Variants in GABRA3 observed in about 807,000 individuals in gnomAD.
GABRA3 encodes the protein gamma-aminobutyric acid receptor subunit alpha-3.
Under a neutral mutation model 30.1 loss-of-function variants are expected in GABRA3, and 10 were observed. The ratio of observed to expected loss-of-function variants is 0.33; its 90% CI spans 0.20 to 0.56. The LOEUF (loss-of-function observed/expected upper bound fraction) is 0.56, where lower values mean the gene tolerates loss of function less well. Ranked by LOEUF, GABRA3 falls within the 20% of genes least tolerant of loss-of-function variation. The pLI is 0.89. For synonymous variants in GABRA3, 151 were observed against 146.8 expected (o/e 1.03, Z -0.21); for missense variants, 233 against 392.0 (o/e 0.59, Z 3.42).
At chrX:152,437,290 G>A (rs920873138) in intron 1 of GABRA3, among the ~76,000 whole-genome samples, 35 of 111,722 alleles carry the variant, frequency 3.1e-4, no homozygotes, top group African/African-American at 1.1e-3. Context: ...AAATGCTTAG[G>A]TATAAATCTA....
At chrX:152,336,394 A>G (rs1427295619) in intron 3 of GABRA3, among the ~76,000 whole-genome samples, 1 of 112,001 alleles carries the variant, frequency 8.9e-6, no homozygotes, top group African/African-American at 3.2e-5. Flanking sequence ...TTCTTGTTCT[A>G]ATGTCACAAA....
intron 6 of GABRA3, among the ~76,000 whole-genome samples, chrX:152,216,433 CACACACACAA>C (rs1930539180): frequency 1.1e-5 from 1 of 95,214 alleles, no homozygotes; most frequent in Non-Finnish European, 2.1e-5. Context: ...CACACACACA[CACACACACAA>C]TGGAATGCTA....
At chrX:152,264,300 T>C (rs1602620) in intron 4 of GABRA3, among the ~76,000 whole-genome samples, 1 of 111,296 alleles carries the variant, frequency 9.0e-6, no homozygotes, top group Admixed American at 9.5e-5. Context: ...GACAGTAGAA[T>C]AAGATATAAA....
At chrX:152,279,187 T>C (rs1194936184) in intron 4 of GABRA3, among the ~76,000 whole-genome samples, 5 of 111,955 alleles carry the variant, frequency 4.5e-5, no homozygotes, top group African/African-American at 1.6e-4. Flanking sequence ...TCTTTGCCCA[T>C]GCCTATGTCC....
chrX:152,387,855 C>T (rs1929365237), intron 1 of GABRA3, among the ~76,000 whole-genome samples: 1 of 111,014 alleles, frequency 9.0e-6, no homozygotes, highest in Non-Finnish European at 1.9e-5. Flanking sequence ...ATCTATGCTT[C>T]CTTCCTTGTA....
chrX:152,249,602 G>T (rs1938517585), intron 5 of GABRA3, among the ~76,000 whole-genome samples: 1 of 110,301 alleles, frequency 9.1e-6, no homozygotes, highest in African/African-American at 3.3e-5. Context: ...AAATTTGTTT[G>T]ATTTCTTCCT....
chrX:152,404,481 G>A (rs1042033157), intron 1 of GABRA3, among the ~76,000 whole-genome samples: 1 of 110,540 alleles, frequency 9.0e-6, no homozygotes. Context: ...GACCAAGAAA[G>A]GGACATCCCA....
At chrX:152,419,687 GAATA>G (rs1164981964) in intron 1 of GABRA3, among the ~76,000 whole-genome samples, 1 of 110,625 alleles carries the variant, frequency 9.0e-6, no homozygotes, top group African/African-American at 3.3e-5. Flanking sequence ...AACATTTAAA[GAATA>G]AATAGCATCA....
intron 1 of GABRA3, among the ~76,000 whole-genome samples, chrX:152,447,204 A>C (rs1030784332): frequency 9.0e-6 from 1 of 111,476 alleles, no homozygotes; most frequent in African/African-American, 3.3e-5. Flanking sequence ...TTGGTTCATC[A>C]TAGGCACTTA....
intron 3 of GABRA3, among the ~76,000 whole-genome samples, chrX:152,315,271 T>G (rs1016232762): frequency 1.8e-5 from 2 of 111,275 alleles, no homozygotes; most frequent in East Asian, 5.7e-4. Context: ...GGGAGAAGGA[T>G]TTGACCTTAC....
chrX:152,264,965 T>C (rs1400651354), intron 4 of GABRA3, among the ~76,000 whole-genome samples: 1 of 111,658 alleles, frequency 9.0e-6, no homozygotes, highest in Non-Finnish European at 1.9e-5. Flanking sequence ...TAAATATATA[T>C]GCACCCAATG....
At chrX:152,267,268 T>A (rs755585316) in intron 4 of GABRA3, among the ~76,000 whole-genome samples, 4 of 112,320 alleles carry the variant, frequency 3.6e-5, no homozygotes, top group Non-Finnish European at 7.5e-5. Context: ...ATTAAAATAA[T>A]CACATGGGTT....
chrX:152,262,116 A>G (rs1321186199), intron 4 of GABRA3, among the ~76,000 whole-genome samples: 1 of 112,152 alleles, frequency 8.9e-6, no homozygotes, highest in Non-Finnish European at 1.9e-5. Context: ...CTGGAGCTGA[A>G]GCAACTGAAG....
intron 1 of GABRA3, among the ~76,000 whole-genome samples, chrX:152,385,810 T>A (rs1929287957): frequency 9.0e-6 from 1 of 111,716 alleles, no homozygotes; most frequent in Non-Finnish European, 1.9e-5. Context: ...TTTCTACATA[T>A]GGCTAGCCAG....
At chrX:152,342,140 G>A (rs1940324150) in intron 3 of GABRA3, among the ~76,000 whole-genome samples, 1 of 112,164 alleles carries the variant, frequency 8.9e-6, no homozygotes, top group African/African-American at 3.2e-5. Flanking sequence ...CAAAGTTTTG[G>A]GATTATAGGC....
At chrX:152,279,192 A>G (rs1368775928) in intron 4 of GABRA3, among the ~76,000 whole-genome samples, 1 of 111,604 alleles carries the variant, frequency 9.0e-6, no homozygotes, top group African/African-American at 3.3e-5. Flanking sequence ...GCCCATGCCT[A>G]TGTCCTGAAT....
rs1384211952 is a variant in GABRA3, at chrX:152,395,360, CAGA to C, written c.-26-30767_-26-30765del. 4.5e-5 allele frequency among the ~76,000 whole-genome samples: 5 copies of C among 111,446 alleles called. No individual in the cohort carries two copies. In the East Asian group the frequency reaches 1.1e-3, roughly 25 times the overall value. On this transcript the variant is annotated intron_variant, in intron 1 of 9. Coordinates refer to ENST00000370314, the MANE Select transcript of GABRA3 (RefSeq NM_000808.4). ...GTTATTAAAGTTATCATTCTCCACA[CAGA>C]AGGAGATTATGTTTATTTTTTACAC...
At chrX:152,298,048 A>C (rs984296827) in intron 3 of GABRA3, among the ~76,000 whole-genome samples, 34 of 112,270 alleles carry the variant, frequency 3.0e-4, no homozygotes, top group African/African-American at 1.1e-3. Context: ...AGAATAATAA[A>C]ATCTTCAAAA....
chrX:152,388,197 G>C (rs1426676030), intron 1 of GABRA3, among the ~76,000 whole-genome samples: 8 of 111,398 alleles, frequency 7.2e-5, no homozygotes, highest in Non-Finnish European at 1.5e-4. Context: ...AGAAATATAA[G>C]TTTTCAATCA....
Sources: gnomAD v4.1 joint callset for allele counts (sites outside exome capture counted in the v4.1 genomes callset) on GRCh38, gnomAD v4.1.1 for gene constraint, MANE v1.5 for transcripts, NCBI Gene and HGNC (gene_info 2026-07-23, HGNC 2026-07-21) for gene names.